B4GALNT3: variants seen among roughly 807,000 people sequenced by gnomAD.
B4GALNT3 encodes beta-1,4-N-acetylgalactosaminyltransferase 3.
A neutral mutation model predicts 120.2 loss-of-function variants in B4GALNT3; 86 were observed. The ratio of observed to expected loss-of-function variants is 0.72; its 90% confidence interval spans 0.60 to 0.86. The LOEUF (loss-of-function observed/expected upper bound fraction) is 0.86, where lower values mean the gene tolerates loss of function less well. B4GALNT3 is among the 40% of genes least tolerant of loss of function. The pLI, the probability that B4GALNT3 is intolerant of heterozygous loss-of-function variation, is 0.00. For synonymous variants in B4GALNT3, 518 were observed against 510.4 expected, an observed-to-expected ratio of 1.01 and a Z score of -0.20; for missense variants, 1,167 against 1,298.9, an observed-to-expected ratio of 0.90 and a Z score of 1.56.
At chr12:467,145 T>TAG (rs34388397) in intron 1 of B4GALNT3, among the ~76,000 whole-genome samples, 55,868 of 151,986 alleles carry the variant, frequency 0.37, 11,419 homozygotes, top group Non-Finnish European at 0.47. Flanking sequence ...TCTTACTCTG[T>TAG]CTCTCAAGCC....
intron 1 of B4GALNT3, among the ~76,000 whole-genome samples, chr12:468,197 A>G (rs1245522415): frequency 6.6e-6 from 1 of 152,216 alleles, no homozygotes; most frequent in Non-Finnish European, 1.5e-5. Context: ...TGAAGAAGAA[A>G]TGAACAATCA....
rs528900413 is a variant in B4GALNT3, at chr12:496,754, A to G, written c.169+36209A>G. 7.2e-5 allele frequency among the ~76,000 whole-genome samples: 11 copies of G among 152,274 alleles called. No individual in the cohort carries two copies. In the South Asian group the frequency reaches 1.0e-3, roughly 14 times the overall value. ...AAGCAGTCACTCCTTCCCCTTCCTC[A>G]GACCCTGGCAACCTCTATTCTGCCT... is the stretch of plus-strand genomic sequence containing the variant. On this transcript the variant is annotated intron_variant, in intron 1 of 19. Coordinates refer to ENST00000266383, the MANE Select transcript of B4GALNT3 (RefSeq NM_173593.4).
At chr12:516,682 G>A (rs890889639) in intron 1 of B4GALNT3, among the ~76,000 whole-genome samples, 19 of 152,286 alleles carry the variant, frequency 1.2e-4, no homozygotes, top group African/African-American at 4.6e-4. Flanking sequence ...CCATCAGAAG[G>A]ATCTTGGATT....
chr12:546,790 C>A, intron 7 of B4GALNT3, 77 bp downstream of exon 7: 1 of 1,400,996 alleles, frequency 7.1e-7, no homozygotes, highest in Non-Finnish European at 9.9e-7. Context: ...GTCCGCCAGC[C>A]CAGCTGCCGA....
Position 553,215 on chromosome 12 carries a change from A to G in B4GALNT3, c.1292A>G (p.Glu431Gly). The G allele has an allele frequency of 6.2e-7, 1 of 1,613,080 alleles. No homozygotes were observed. The highest frequency in any genetic ancestry group is 8.5e-7 in the Non-Finnish European group (1 of 1,179,676). Reference protein sequence around the residue: ...EQPGFEENLLEESQYGEVAEE... With the variant: ...EQPGFEENLLGESQYGEVAEE... ...GCAGGTTTTGAGGAAAACCTTCTAG[A>G]AGAGTCCCAGTATGGGGAAGTGGCA... Residue 431 changes from glutamate to glycine, a missense_variant, in exon 14 of 20, where the codon GAA becomes GGA. Physicochemically the swap from Glu to Gly is moderately conservative, Grantham distance 98 (BLOSUM62 -2). Transcript: ENST00000266383.
chr12:502,496 A>G (rs1323021495), intron 1 of B4GALNT3, among the ~76,000 whole-genome samples: 1 of 152,174 alleles, frequency 6.6e-6, no homozygotes, highest in Non-Finnish European at 1.5e-5. Flanking sequence ...GTAGGGACAC[A>G]GGGCTGAGAG....
At chr12:495,209 T>G (rs889982616) in intron 1 of B4GALNT3, among the ~76,000 whole-genome samples, 2 of 152,182 alleles carry the variant, frequency 1.3e-5, no homozygotes, top group African/African-American at 4.8e-5. Context: ...ACAGCCAGGA[T>G]TTGAAACCAG....
chr12:531,781 T>G (rs144035231), intron 1 of B4GALNT3, among the ~76,000 whole-genome samples: 1 of 152,222 alleles, frequency 6.6e-6, no homozygotes, highest in East Asian at 1.9e-4. Flanking sequence ...GAAGAAAACA[T>G]TTATTGGGTA....
At chr12:522,787 A>AT (rs1191577810) in intron 1 of B4GALNT3, among the ~76,000 whole-genome samples, 3 of 151,442 alleles carry the variant, frequency 2.0e-5, no homozygotes, top group Non-Finnish European at 4.4e-5. Context: ...AGAAAAAAAA[A>AT]ATTAGCCAGG....
intron 1 of B4GALNT3, among the ~76,000 whole-genome samples, chr12:482,168 A>G (rs1249643650): frequency 2.0e-5 from 3 of 152,188 alleles, no homozygotes; most frequent in African/African-American, 7.2e-5. Flanking sequence ...TTGTGGTTGG[A>G]TGTTGCCAGC....
At chr12:477,572 A>G (rs917673912) in intron 1 of B4GALNT3, among the ~76,000 whole-genome samples, 8 of 152,230 alleles carry the variant, frequency 5.3e-5, no homozygotes, top group Admixed American at 3.9e-4. Flanking sequence ...GTCCTGAGAA[A>G]CGGAACCCAT....
At chr12:496,453 G>T (rs1946388307) in intron 1 of B4GALNT3, among the ~76,000 whole-genome samples, 1 of 151,894 alleles carries the variant, frequency 6.6e-6, no homozygotes, top group African/African-American at 2.4e-5. Flanking sequence ...TACAAAAATT[G>T]TCCAGGCGTG....
chr12:542,273 G>A (rs1347649687), intron 3 of B4GALNT3, among the ~76,000 whole-genome samples: 2 of 152,102 alleles, frequency 1.3e-5, no homozygotes, highest in Non-Finnish European at 1.5e-5. Flanking sequence ...TTGAGGCAGT[G>A]TTCCCCAGAG....
At chr12:512,918 T>TCGAC (rs1946608160) in intron 1 of B4GALNT3, among the ~76,000 whole-genome samples, 1 of 114,042 alleles carries the variant, frequency 8.8e-6, no homozygotes, top group African/African-American at 3.3e-5. Flanking sequence ...CTTTCCACCT[T>TCGAC]CTGCCTTCCA....
intron 1 of B4GALNT3, among the ~76,000 whole-genome samples, chr12:487,143 A>C (rs1183420078): frequency 6.6e-6 from 1 of 152,244 alleles, no homozygotes; most frequent in Non-Finnish European, 1.5e-5. Context: ...AAAACTGAAA[A>C]GCACAGAGAA....
Position 558,560 on chromosome 12 carries a change from G to A in B4GALNT3, c.2660G>A (p.Gly887Glu). The A allele has an allele frequency of 1.2e-6, 2 of 1,614,174 alleles. No homozygotes were observed. Among genetic ancestry groups the A allele is most frequent in the Non-Finnish European group, 1.7e-6 (2 of 1,180,016 alleles). The change falls in exon 18 of 20, where the codon GGA (glycine) becomes GAA (glutamate). Residue 887 changes from glycine to glutamate, a missense_variant. This residue lies in a region of B4GALNT3 where 983 missense variants were observed against 1,102.5 expected (regional missense o/e 0.89). Coordinates refer to ENST00000266383, the MANE Select transcript of B4GALNT3 (RefSeq NM_173593.4). ...LCDLHIHFPA[G>E]VIDAIRKHCV... ...GACCTCCACATCCACTTCCCAGCTG[G>A]AGTCATCGATGCCATTCGGAAGCAC...
intron 1 of B4GALNT3, among the ~76,000 whole-genome samples, chr12:505,492 T>C (rs111977702): frequency 3.9e-5 from 6 of 152,306 alleles, no homozygotes; most frequent in African/African-American, 1.4e-4. Flanking sequence ...CCCTGATCCA[T>C]CTTGGATTGG....
At chr12:532,958 C>T (rs1191023894) in intron 1 of B4GALNT3, among the ~76,000 whole-genome samples, 1 of 152,230 alleles carries the variant, frequency 6.6e-6, no homozygotes, top group Non-Finnish European at 1.5e-5. Flanking sequence ...CGCACTGTAA[C>T]TCCCACTGAT....
chr12:506,907 A>T (rs999373170), intron 1 of B4GALNT3, among the ~76,000 whole-genome samples: 1 of 152,250 alleles, frequency 6.6e-6, no homozygotes, highest in Non-Finnish European at 1.5e-5. Context: ...AAGTGCTGGG[A>T]TTACAGGCGT....
Sources: allele counts gnomAD v4.1 joint callset (sites outside exome capture counted in the v4.1 genomes callset), GRCh38; gene constraint gnomAD v4.1.1; regional missense constraint gnomAD v4.1.1; transcripts MANE v1.5; gene names NCBI Gene and HGNC (gene_info 2026-07-23, HGNC 2026-07-21).